The following TMPRSS5 variants were observed in gnomAD, a reference collection of about 807,000 sequenced individuals.
TMPRSS5 encodes transmembrane serine protease 5.
TMPRSS5 carries 45 observed loss-of-function variants against 59.7 expected under a neutral mutation model. The ratio of observed to expected loss-of-function variants is 0.75; its 90% CI spans 0.59 to 0.97. The LOEUF (loss-of-function observed/expected upper bound fraction) is 0.97. TMPRSS5 is among the 50% of genes least tolerant of loss of function. TMPRSS5 has a pLI of 0.00. For synonymous variants in TMPRSS5, 225 were observed against 232.0 expected (o/e 0.97, Z 0.27); for missense variants, 585 against 596.7 (o/e 0.98, Z 0.20).
At chr11:113,690,175 T>TCCC in intron 11 of TMPRSS5, 56 bp downstream of exon 11, 6 of 159,592 alleles carry the variant, frequency 3.8e-5, no homozygotes, top group East Asian at 1.0e-4. Context: ...GCAGGCCCCC[T>TCCC]GCCCTCCCAC....
Position 113,694,423 on chromosome 11 carries a change from G to A in TMPRSS5, c.785+55C>T, listed in dbSNP as rs1952867929. On this transcript the variant is annotated intron_variant, in intron 8 of 12. Coordinates refer to ENST00000299882, the MANE Select transcript of TMPRSS5 (RefSeq NM_030770.4). ...ACATTTGATACAGGACATACCAACA[G>A]CCGAACAGAAAGGGCAACTGAGGCT... 2.6e-6 allele frequency: 4 copies of A among 1,535,672 alleles called. No homozygotes were observed. The East Asian group carries it at 9.8e-5, about 38-fold the overall frequency.
At chr11:113,690,175 T>TCCCCCCCCCCCCCCCCCCCCCCCCCCCC in intron 11 of TMPRSS5, 56 bp downstream of exon 11, 3 of 159,592 alleles carry the variant, frequency 1.9e-5, no homozygotes, top group Non-Finnish European at 3.2e-5. Flanking sequence ...GCAGGCCCCC[T>TCCCCCCCCCCCCCCCCCCCCCCCCCCCC]GCCCTCCCAC....
chr11:113,699,770 T>A, intron 2 of TMPRSS5, 77 bp from the exon 3 acceptor site: 2 of 1,452,294 alleles, frequency 1.4e-6, no homozygotes, highest in Middle Eastern at 1.9e-4. Flanking sequence ...GTCACCACTA[T>A]GGGGCTAGGC....
chr11:113,688,320 T>C (rs758437933), intron 12 of TMPRSS5, 46 bp from the exon 13 acceptor site: 2 of 1,343,078 alleles, frequency 1.5e-6, no homozygotes, highest in East Asian at 2.5e-5. Context: ...GGCTCTACAC[T>C]AGCCAAGCGA....
At position 113,699,217 on chromosome 11, in the gene TMPRSS5, C is replaced by G. The variant is rs905695144; in HGVS notation, c.206-190G>C. 5.7e-4 allele frequency among the ~76,000 whole-genome samples: 11 copies of G among 19,202 alleles called. 1 individual carries two copies. The highest frequency in any genetic ancestry group is 1.9e-3 in the South Asian group (1 of 524). 12.6% of individuals were successfully genotyped at this position (19,202 alleles called of 152,430 possible). Reference sequence around the variant, plus strand: ...GACTCTCCTTTGTCTGTCTGTCTCTCTCTCTCTCTCTCTCTCTCTCTCTCT... The same window carrying G: ...GACTCTCCTTTGTCTGTCTGTCTCTGTCTCTCTCTCTCTCTCTCTCTCTCT... On this transcript the variant is annotated intron_variant, in intron 3 of 12. Transcript: ENST00000299882.
intron 9 of TMPRSS5, 56 bp downstream of exon 9, chr11:113,693,015 C>A (rs1952825116): frequency 7.5e-7 from 1 of 1,337,882 alleles, no homozygotes. Context: ...CCCACCCAGC[C>A]CCCGCCCTCT....
At chr11:113,703,185 G>A (rs1247493257) in intron 1 of TMPRSS5, among the ~76,000 whole-genome samples, 5 of 152,250 alleles carry the variant, frequency 3.3e-5, no homozygotes, top group Non-Finnish European at 5.9e-5. Flanking sequence ...GCTGCCCAAG[G>A]CCATGGAAGC....
intron 6 of TMPRSS5, among the ~76,000 whole-genome samples, chr11:113,695,656 C>T (rs371547171): frequency 1.3e-5 from 2 of 152,160 alleles, no homozygotes; most frequent in African/African-American, 2.4e-5. Flanking sequence ...GACAGGAGCA[C>T]ACCTCCTGCC....
intron 1 of TMPRSS5, among the ~76,000 whole-genome samples, chr11:113,702,997 G>A (rs1035951343): frequency 1.3e-5 from 2 of 152,224 alleles, no homozygotes; most frequent in African/African-American, 2.4e-5. Flanking sequence ...TAGGGTTGGA[G>A]CCCCCACACA....
Position 113,689,776 on chromosome 11 carries a change from C to A in TMPRSS5, c.1348G>T (p.Asp450Tyr). 1 of 1,610,770 alleles carries A rather than the reference C, an allele frequency of 6.2e-7. No homozygotes were observed. The highest frequency in any genetic ancestry group is 1.1e-5 in the South Asian group (1 of 89,876). ...GCCCCCACACTCACCTGAGCAGTGT[C>A]ATGGATCCAGTCCAGAAACTCAGCT... is the stretch of plus-strand genomic sequence containing the variant. ...KVAEFLDWIH[D>Y]TAQDSLL is the part of the protein sequence containing the mutation. The change falls in exon 12 of 13, where the codon GAC becomes TAC. Residue 450 changes from aspartate (D) to tyrosine (Y), a missense_variant. Physicochemically the swap from Asp to Tyr is radical, Grantham distance 160 (BLOSUM62 -3). Coordinates refer to ENST00000299882, the MANE Select transcript of TMPRSS5 (RefSeq NM_030770.4).
intron 12 of TMPRSS5, among the ~76,000 whole-genome samples, 172 bp from the exon 13 acceptor site, chr11:113,688,446 T>C (rs767929603): frequency 5.9e-5 from 9 of 152,218 alleles, no homozygotes; most frequent in East Asian, 1.9e-4. Context: ...AGAAGATCAA[T>C]ACATACATTC....
chr11:113,697,132 C>T (rs1952950937), intron 5 of TMPRSS5, 151 bp downstream of exon 5: 2 of 1,275,952 alleles, frequency 1.6e-6, no homozygotes, highest in South Asian at 1.4e-5. Context: ...GGCTGGGGCA[C>T]CATTGTGCCC....
chr11:113,704,606 G>A (rs1425655295), intron 1 of TMPRSS5, among the ~76,000 whole-genome samples: 2 of 152,116 alleles, frequency 1.3e-5, no homozygotes, highest in Non-Finnish European at 2.9e-5. Context: ...ATACTTCAGT[G>A]CCTTCAGGCA....
rs778332398 is a variant in TMPRSS5 at position 113,694,451 on chromosome 11, C to T, written c.785+27G>A. 5 of 1,551,828 alleles carry T rather than the reference C, an allele frequency of 3.2e-6. No homozygotes were observed. In the East Asian group the frequency reaches 1.2e-4, roughly 38 times the overall value. ...GAACAGAAAGGGCAACTGAGGCTCTCTGTCCTCAGCAGCCACAGAGACTTG... is the reference window on the plus strand; with the variant it reads ...GAACAGAAAGGGCAACTGAGGCTCTTTGTCCTCAGCAGCCACAGAGACTTG... On this transcript the variant is annotated intron_variant, in intron 8 of 12. Coordinates refer to ENST00000299882, the MANE Select transcript of TMPRSS5 (RefSeq NM_030770.4).
At chr11:113,705,963 C>T (rs558179693) in intron 1 of TMPRSS5, among the ~76,000 whole-genome samples, 5 of 152,254 alleles carry the variant, frequency 3.3e-5, no homozygotes, top group East Asian at 3.9e-4. Context: ...GGAAGTTCAA[C>T]GTAATAACGA....
At chr11:113,697,471 G>T in intron 4 of TMPRSS5, 53 bp from the exon 5 acceptor site, 1 of 1,591,978 alleles carries the variant, frequency 6.3e-7, no homozygotes, top group South Asian at 1.1e-5. Flanking sequence ...GGTAGGGTGG[G>T]ACAGGAAGAG....
intron 11 of TMPRSS5, 52 bp downstream of exon 11, chr11:113,690,179 C>CCA: frequency 1.1e-6 from 1 of 897,668 alleles, no homozygotes; most frequent in Non-Finnish European, 1.7e-6. Flanking sequence ...GCCCCCTGCC[C>CCA]TCCCACCCCC....
Position 113,699,260 on chromosome 11 carries a change from T to TCCCC in TMPRSS5, c.206-234_206-233insGGGG, listed in dbSNP as rs1206647353. Among the ~76,000 whole-genome samples, 6 of 35,956 alleles carry TCCCC rather than the reference T, an allele frequency of 1.7e-4. 1 individual carries two copies. Among genetic ancestry groups the TCCCC allele is most frequent in the African/African-American group, 9.1e-4 (6 of 6,594 alleles). The allele number at this position is 35,956 out of a possible 152,430, so 23.6% of individuals were successfully genotyped here. ...CTCTCTCTCTCTCTCTCTCTCTCTC[T>TCCCC]CTCTCTCTCTCCCTCTCTCTCTCTC... On this transcript the variant is annotated intron_variant, in intron 3 of 12. Transcript: ENST00000299882.
chr11:113,690,006 C>A, intron 11 of TMPRSS5, 89 bp from the exon 12 acceptor site: 1 of 1,367,766 alleles, frequency 7.3e-7, no homozygotes, highest in Non-Finnish European at 9.8e-7. Flanking sequence ...AGTGGAATCT[C>A]CTTACTGGGC....
Sources: allele counts gnomAD v4.1 joint callset (sites outside exome capture counted in the v4.1 genomes callset), GRCh38; gene constraint gnomAD v4.1.1; transcripts MANE v1.5; gene names NCBI Gene and HGNC (gene_info 2026-07-23, HGNC 2026-07-21).